The following COL4A1 variants were observed in gnomAD, a reference collection of about 807,000 sequenced individuals.
COL4A1 encodes the protein collagen alpha-1(IV) chain.
A neutral mutation model predicts 216.6 loss-of-function variants in COL4A1; 40 were observed. The ratio of observed to expected loss-of-function variants is 0.18; its 90% confidence interval spans 0.14 to 0.24. The LOEUF is 0.24. Ranked by LOEUF, COL4A1 falls within the 10% of genes least tolerant of loss-of-function variation. COL4A1 has a pLI of 1.00. For missense variants in COL4A1, 1,628 were observed against 2,196.8 expected (o/e 0.74, Z 5.18); for synonymous variants, 839 against 810.7 (o/e 1.03, Z -0.59).
intron 26 of COL4A1, 93 bp from the exon 27 acceptor site, chr13:110,183,369 T>C (rs1878266226): frequency 1.7e-6 from 2 of 1,190,662 alleles, no homozygotes; most frequent in Non-Finnish European, 1.2e-6. Flanking sequence ...GCACGCCACA[T>C]CCTACCCAGC....
chr13:110,246,341 TA>T (rs1482979718), intron 1 of COL4A1, among the ~76,000 whole-genome samples: 3 of 147,094 alleles, frequency 2.0e-5, no homozygotes, highest in Admixed American at 6.7e-5. Context: ...GGTTCACTGC[TA>T]AAAAGAAAAA....
intron 2 of COL4A1, among the ~76,000 whole-genome samples, chr13:110,236,168 A>G (rs1023766187): frequency 6.6e-6 from 1 of 152,236 alleles, no homozygotes; most frequent in African/African-American, 2.4e-5. Context: ...TAAAACCAGC[A>G]TGCAAGCTCA....
intron 48 of COL4A1, 47 bp from the exon 49 acceptor site, chr13:110,161,416 A>C (rs1436200013): frequency 6.4e-7 from 1 of 1,555,996 alleles, no homozygotes; most frequent in African/African-American, 1.4e-5. Flanking sequence ...TATAATTCAC[A>C]ATCTATCTCT....
At chr13:110,155,246 T>A (rs1876723479) in intron 50 of COL4A1, 37 bp downstream of exon 50, 1 of 1,504,002 alleles carries the variant, frequency 6.6e-7, no homozygotes. Flanking sequence ...TGAGTGGGGC[T>A]CTTCCCGGGA....
At chr13:110,303,019 C>T (rs1001961105) in intron 1 of COL4A1, among the ~76,000 whole-genome samples, 1 of 152,174 alleles carries the variant, frequency 6.6e-6, no homozygotes, top group East Asian at 1.9e-4. Context: ...TCTTGATGTT[C>T]TTCCACTGTC....
chr13:110,242,846 G>A (rs1881626885), intron 1 of COL4A1, 112 bp from the exon 2 acceptor site: 4 of 1,175,356 alleles, frequency 3.4e-6, no homozygotes, highest in African/African-American at 3.0e-5. Flanking sequence ...AGCCTGCCCT[G>A]TCCTTCGGAC....
At chr13:110,266,577 G>A (rs1184655928) in intron 1 of COL4A1, among the ~76,000 whole-genome samples, 1 of 152,190 alleles carries the variant, frequency 6.6e-6, no homozygotes, top group Non-Finnish European at 1.5e-5. Flanking sequence ...GAGACCAGAT[G>A]CTGACTTGGG....
At chr13:110,165,696 G>A (rs926700678) in intron 45 of COL4A1, among the ~76,000 whole-genome samples, 1 of 151,862 alleles carries the variant, frequency 6.6e-6, no homozygotes, top group Admixed American at 6.6e-5. Flanking sequence ...ATTAAATGAT[G>A]CCCTAGAAGT....
intron 1 of COL4A1, among the ~76,000 whole-genome samples, chr13:110,278,407 G>A (rs974043550): frequency 2.0e-4 from 31 of 152,050 alleles, no homozygotes; most frequent in Non-Finnish European, 1.2e-4. Flanking sequence ...AAATACCTGC[G>A]TATTTTCCCA....
rs534002865 is a variant in COL4A1 at position 110,185,249 on chromosome 13, G to A, written c.1897+1136C>T. On this transcript the variant is annotated intron_variant, in intron 26 of 51. Coordinates refer to ENST00000375820, the MANE Select transcript of COL4A1 (RefSeq NM_001845.6). ...CAACCTCTGCCTCCCGGGTTCAAGC[G>A]ATTCTCCTGCCTCAGCCTCCAGAGT... is the stretch of plus-strand genomic sequence containing the variant. Among the ~76,000 whole-genome samples the A allele has an allele frequency of 3.3e-5, 5 of 151,906 alleles. No homozygotes were observed. In the East Asian group the frequency reaches 7.8e-4, roughly 24 times the overall value.
chr13:110,302,559 C>T lies in COL4A1; in HGVS notation c.84+4385G>A, dbSNP rs59886553. 8.1e-4 allele frequency among the ~76,000 whole-genome samples: 124 copies of T among 152,236 alleles called. 2 individuals carry two copies. The East Asian group carries it at 0.023, about 28-fold the overall frequency. ...GACAGAAGCAGAGACACGGAAAGAG[C>T]GCTAGGAGGGACCCATGTCCCAGAG... On this transcript the variant is annotated intron_variant, in intron 1 of 51. Coordinates refer to ENST00000375820, the MANE Select transcript of COL4A1 (RefSeq NM_001845.6).
At chr13:110,168,297 G>A (rs930709379) in intron 43 of COL4A1, among the ~76,000 whole-genome samples, 3 of 152,168 alleles carry the variant, frequency 2.0e-5, no homozygotes, top group Admixed American at 6.5e-5. Context: ...TTACAGGCGT[G>A]AGCTACCAGG....
chr13:110,236,394 T>C lies in COL4A1; in HGVS notation c.144+6281A>G, dbSNP rs371545269. 2.6e-5 allele frequency among the ~76,000 whole-genome samples: 4 copies of C among 152,358 alleles called. No homozygotes were observed. The East Asian group carries it at 5.8e-4, about 22-fold the overall frequency. ...GAGAGAAATATACTAAGAGTGCTCATTTTGCATCTCTCAAAGTGCCCAGCA... is the reference window on the plus strand; with the variant it reads ...GAGAGAAATATACTAAGAGTGCTCACTTTGCATCTCTCAAAGTGCCCAGCA... On this transcript the variant is annotated intron_variant, in intron 2 of 51. Transcript: ENST00000375820.
chr13:110,166,455 C>G, intron 44 of COL4A1, 152 bp from the exon 45 acceptor site: 1 of 712,208 alleles, frequency 1.4e-6, no homozygotes, highest in South Asian at 1.5e-5. Context: ...ATATGCATAC[C>G]CATATATACA....
chr13:110,260,286 C>G (rs1462597317), intron 1 of COL4A1, among the ~76,000 whole-genome samples: 1 of 152,152 alleles, frequency 6.6e-6, no homozygotes, highest in Non-Finnish European at 1.5e-5. Flanking sequence ...TTTATAAAAC[C>G]GTCGCAACTC....
intron 36 of COL4A1, among the ~76,000 whole-genome samples, chr13:110,176,104 G>A (rs1220928848): frequency 2.0e-5 from 3 of 152,244 alleles, no homozygotes; most frequent in Admixed American, 2.0e-4. Flanking sequence ...AGGCTGACAA[G>A]CCTGGATGGA....
rs775634152 is a variant in COL4A1 at position 110,164,966 on chromosome 13, G to A, written c.4046C>T (p.Pro1349Leu). Reference protein sequence around the residue: ...AKGLPGPPGPPGPYDIIKGEP... With the variant: ...AKGLPGPPGPLGPYDIIKGEP... ...CCCTTTGATGATGTCGTAAGGACCT[G>A]GGGGGCCAGGAGGACCCGGGAGACC... Residue 1349 changes from proline to leucine, a missense_variant, in exon 46 of 52, where the codon CCA becomes CTA. By Grantham distance (98) the Pro-to-Leu change is moderately conservative. Around this residue, in one of 8 missense-constraint regions of COL4A1, gnomAD observed 345 missense variants for 476.9 expected, o/e 0.72. Transcript: ENST00000375820. 4 of 1,604,864 alleles carry A rather than the reference G, an allele frequency of 2.5e-6. No homozygotes were observed. In the South Asian group the frequency reaches 4.5e-5, roughly 18 times the overall value.
Position 110,205,168 on chromosome 13 carries a change from T to C in COL4A1, c.957+185A>G, listed in dbSNP as rs573264688. ...AAATTTGAATGAATGGCACATTTCA[T>C]ATATTTTTATTTTGTAAAAAATCAT... On this transcript the variant is annotated intron_variant, in intron 17 of 51. Coordinates refer to ENST00000375820, the MANE Select transcript of COL4A1 (RefSeq NM_001845.6). Among the ~76,000 whole-genome samples the C allele has an allele frequency of 2.6e-4, 39 of 152,366 alleles. 1 individual carries two copies. Among genetic ancestry groups the C allele is most frequent in the Non-Finnish European group, 5.0e-4 (34 of 68,028 alleles).
intron 26 of COL4A1, among the ~76,000 whole-genome samples, chr13:110,185,557 A>G (rs888071231): frequency 1.3e-5 from 2 of 148,582 alleles, no homozygotes; most frequent in African/African-American, 5.0e-5. Flanking sequence ...AGCAACGCGC[A>G]TTTACTTCCC....
Sources: gnomAD v4.1 joint callset for allele counts (sites outside exome capture counted in the v4.1 genomes callset) on GRCh38, gnomAD v4.1.1 for gene constraint, gnomAD v4.1.1 regional missense constraint, MANE v1.5 for transcripts, NCBI Gene and HGNC (gene_info 2026-07-23, HGNC 2026-07-21) for gene names.